The following STMN2 variants were observed in gnomAD, a reference collection of about 807,000 sequenced individuals.
The protein encoded by STMN2 is stathmin-2.
A neutral mutation model predicts 24.1 loss-of-function variants in STMN2; 2 were observed. The observed-to-expected ratio is 0.08, with a 90% CI of 0.03 to 0.26. The LOEUF (loss-of-function observed/expected upper bound fraction) is 0.26, where lower values mean the gene tolerates loss of function less well. STMN2 is among the 10% of genes least tolerant of loss of function. The pLI, the probability that STMN2 is intolerant of heterozygous loss-of-function variation, is 1.00. For synonymous variants in STMN2, 83 were observed against 77.5 expected, an observed-to-expected ratio of 1.07 and a Z score of -0.37; for missense variants, 114 against 213.6, an observed-to-expected ratio of 0.53 and a Z score of 2.91.
chr8:79,637,939 T>A (rs1478267239), intron 2 of STMN2, among the ~76,000 whole-genome samples: 1 of 152,182 alleles, frequency 6.6e-6, no homozygotes, highest in Non-Finnish European at 1.5e-5. Flanking sequence ...AGCACAAAAA[T>A]CATAAATGCT....
intron 1 of STMN2, among the ~76,000 whole-genome samples, chr8:79,614,355 T>C (rs1809332211): frequency 6.6e-6 from 1 of 152,244 alleles, no homozygotes; most frequent in African/African-American, 2.4e-5. Context: ...TTCCCCATTA[T>C]CTTTTCTAAT....
chr8:79,636,169 A>G (rs1244934754), intron 1 of STMN2, among the ~76,000 whole-genome samples: 1 of 152,178 alleles, frequency 6.6e-6, no homozygotes, highest in Non-Finnish European at 1.5e-5. Flanking sequence ...GTGAGCTGGG[A>G]TCACACCACT....
rs1809213173 is a variant in STMN2 at position 79,611,260 on chromosome 8, C to T, written c.19+46C>T. On this transcript the variant is annotated intron_variant, in intron 1 of 4. Transcript: ENST00000220876. The stretch of plus-strand genomic sequence containing the variant: ...CTCCGTCGGCTCTACCTGGAGCCCA[C>T]CTCTCACCTCCTCTCTTGAGCTCTA... 3 of 1,609,318 alleles carry T rather than the reference C, an allele frequency of 1.9e-6. No individual in the cohort carries two copies. The East Asian group carries it at 6.7e-5, about 36-fold the overall frequency.
At chr8:79,624,453 C>CAAAAAAAAAAAAAAAAAAAAAAAAAAAAA (rs1011493193) in intron 1 of STMN2, among the ~76,000 whole-genome samples, 5 of 45,134 alleles carry the variant, frequency 1.1e-4, no homozygotes, top group Non-Finnish European at 2.3e-4. Context: ...GACTCCGTCT[C>CAAAAAAAAAAAAAAAAAAAAAAAAAAAAA]AAAAAAAAAA....
At chr8:79,663,202 T>A (rs75639918) in intron 4 of STMN2, among the ~76,000 whole-genome samples, 1 of 152,104 alleles carries the variant, frequency 6.6e-6, no homozygotes, top group South Asian at 2.1e-4. Context: ...AATCTACACT[T>A]GAAAAGACAC....
Position 79,660,203 on chromosome 8 carries a change from G to T in STMN2, c.481-4612G>T, listed in dbSNP as rs1222811720. 2.0e-5 allele frequency among the ~76,000 whole-genome samples: 3 copies of T among 152,288 alleles called. No individual in the cohort carries two copies. The East Asian group carries it at 5.8e-4, about 29-fold the overall frequency. ...CAGGACGATGGAGGGAACAGAGAGG[G>T]TTAACATGGCAAGTTACTGAAGAGG... On this transcript the variant is annotated intron_variant, in intron 4 of 4. Transcript: ENST00000220876.
Position 79,636,821 on chromosome 8 carries a change from G to C in STMN2, c.39G>C (p.Lys13Asn). The C allele has an allele frequency of 6.2e-7, 1 of 1,613,698 alleles. No individual in the cohort carries two copies. The highest frequency in any genetic ancestry group is 8.5e-7 in the Non-Finnish European group (1 of 1,179,716). The change falls in exon 2 of 5, where the codon AAG becomes AAC. Residue 13 changes from lysine (K) to asparagine (N), a missense_variant. Lys to Asn is a moderately conservative substitution (Grantham distance 94). Coordinates refer to ENST00000220876, the MANE Select transcript of STMN2 (RefSeq NM_007029.4). ...TTTCAGCCTACAAGGAAAAAATGAAGGAGCTGTCCATGCTGTCACTGATCT... is the reference window on the plus strand; with the variant it reads ...TTTCAGCCTACAAGGAAAAAATGAACGAGCTGTCCATGCTGTCACTGATCT... ...KTAMAYKEKM[K>N]ELSMLSLICS...
At chr8:79,651,025 C>T (rs549227431) in intron 3 of STMN2, among the ~76,000 whole-genome samples, 17 of 152,300 alleles carry the variant, frequency 1.1e-4, no homozygotes, top group African/African-American at 3.4e-4. Flanking sequence ...ATGCTTTCCA[C>T]CATAATTGAC....
At chr8:79,616,773 C>T (rs1809390553) in intron 1 of STMN2, among the ~76,000 whole-genome samples, 1 of 151,982 alleles carries the variant, frequency 6.6e-6, no homozygotes, top group Non-Finnish European at 1.5e-5. Flanking sequence ...TGTGTTCTGC[C>T]CCATCACTCT....
At chr8:79,634,372 G>A (rs771640680) in intron 1 of STMN2, among the ~76,000 whole-genome samples, 12 of 152,146 alleles carry the variant, frequency 7.9e-5, no homozygotes, top group East Asian at 1.9e-4. Context: ...TTCCAAAGGC[G>A]TTCAACAAAA....
intron 3 of STMN2, among the ~76,000 whole-genome samples, chr8:79,653,023 AT>A (rs1241646011): frequency 6.6e-6 from 1 of 152,110 alleles, no homozygotes; most frequent in African/African-American, 2.4e-5. Context: ...TTTTCTTATT[AT>A]TTTTGTATTG....
At chr8:79,615,710 A>G (rs2130293187) in intron 1 of STMN2, among the ~76,000 whole-genome samples, 1 of 152,318 alleles carries the variant, frequency 6.6e-6, no homozygotes, top group Admixed American at 6.5e-5. Flanking sequence ...AGGAACATTC[A>G]AGTGTTTATT....
chr8:79,650,922 A>G (rs1810320952), intron 3 of STMN2, among the ~76,000 whole-genome samples: 1 of 152,156 alleles, frequency 6.6e-6, no homozygotes, highest in Non-Finnish European at 1.5e-5. Flanking sequence ...CTGAGCAACA[A>G]AGCAAGACCC....
chr8:79,634,664 T>C (rs922677374), intron 1 of STMN2, among the ~76,000 whole-genome samples: 1 of 152,266 alleles, frequency 6.6e-6, no homozygotes, highest in Non-Finnish European at 1.5e-5. Context: ...CATGTGACTT[T>C]GGCCTCTGTG....
intron 4 of STMN2, among the ~76,000 whole-genome samples, chr8:79,659,651 T>A (rs966635134): frequency 6.6e-6 from 1 of 152,198 alleles, no homozygotes; most frequent in Non-Finnish European, 1.5e-5. Context: ...AATACATCTA[T>A]TCACTAAACA....
chr8:79,636,032 C>A (rs1278635662), intron 1 of STMN2, among the ~76,000 whole-genome samples: 1 of 152,006 alleles, frequency 6.6e-6, no homozygotes, highest in Non-Finnish European at 1.5e-5. Context: ...GCCTGAGAAA[C>A]CTGGTGAAAC....
intron 3 of STMN2, among the ~76,000 whole-genome samples, chr8:79,651,446 TATTC>T (rs1184766026): frequency 2.6e-4 from 39 of 152,306 alleles, no homozygotes; most frequent in African/African-American, 9.1e-4. Flanking sequence ...AATTCTCCAT[TATTC>T]ATAATGGAAA....
intron 1 of STMN2, among the ~76,000 whole-genome samples, chr8:79,633,026 ACTATTTCCCTTAGCCGGGTAC>A (rs1233069253): frequency 2.0e-5 from 3 of 151,806 alleles, no homozygotes; most frequent in African/African-American, 7.3e-5. Context: ...TTCTCTTTGC[ACTATTTCCCTTAGCCGGGTAC>A]ATAATCTGCT....
At chr8:79,623,692 A>C (rs1415688329) in intron 1 of STMN2, among the ~76,000 whole-genome samples, 1 of 152,218 alleles carries the variant, frequency 6.6e-6, no homozygotes, top group Non-Finnish European at 1.5e-5. Flanking sequence ...GAATAGTGAC[A>C]AACAAGGAGC....
Sources: gnomAD v4.1 joint callset for allele counts (sites outside exome capture counted in the v4.1 genomes callset) on GRCh38, gnomAD v4.1.1 for gene constraint, MANE v1.5 for transcripts, NCBI Gene and HGNC (gene_info 2026-07-23, HGNC 2026-07-21) for gene names.